Variants in ZNF385D observed in about 807,000 individuals in gnomAD.
The protein encoded by ZNF385D is zinc finger protein 385D.
ZNF385D carries 15 observed loss-of-function variants against 35.8 expected under a neutral mutation model. The ratio of observed to expected loss-of-function variants is 0.42; its 90% CI spans 0.28 to 0.64. The LOEUF (loss-of-function observed/expected upper bound fraction) is 0.64, where lower values mean the gene tolerates loss of function less well. Ranked by LOEUF, ZNF385D falls within the 30% of genes least tolerant of loss-of-function variation. ZNF385D has a pLI of 0.23. For missense variants in ZNF385D, 474 were observed against 494.6 expected, an observed-to-expected ratio of 0.96 and a Z score of 0.39; for synonymous variants, 212 against 186.8, an observed-to-expected ratio of 1.13 and a Z score of -1.10.
chr3:21,569,463 T>C (rs528882748), intron 2 of ZNF385D, among the ~76,000 whole-genome samples: 4,476 of 149,054 alleles, frequency 0.03, 176 homozygotes, highest in African/African-American at 0.11. Context: ...TGTCTCTGCA[T>C]GTGAGATGGG....
intron 4 of ZNF385D, among the ~76,000 whole-genome samples, chr3:21,466,301 C>T (rs1449706513): frequency 1.3e-5 from 2 of 152,066 alleles, no homozygotes; most frequent in Non-Finnish European, 2.9e-5. Context: ...TTCACTTTGC[C>T]TACTCCTTCA....
At chr3:21,441,648 G>T in intron 4 of ZNF385D, 1 of 974,338 alleles carries the variant, frequency 1.0e-6, no homozygotes, top group Non-Finnish European at 1.2e-6. Flanking sequence ...TCATTTAGAA[G>T]GAGGAAAGAA....
At chr3:21,878,862 T>C (rs1698120469) in intron 3 of ZNF385D, among the ~76,000 whole-genome samples, 1 of 152,074 alleles carries the variant, frequency 6.6e-6, no homozygotes, top group South Asian at 2.1e-4. Flanking sequence ...ATCAAGCACA[T>C]TTGAAGTTCT....
Position 21,415,360 on chromosome 3 carries a change from A to AG in ZNF385D, c.*5853_*5854insC, listed in dbSNP as rs1700547676. 6.6e-6 allele frequency: 1 copy of AG among 152,086 alleles called. No individual in the cohort carries two copies. Among genetic ancestry groups the AG allele is most frequent in the South Asian group, 2.1e-4 (1 of 4,824 alleles). 9.4% of individuals were successfully genotyped at this position (152,086 alleles called of 1,614,324 possible). A position where few individuals can be genotyped will look rare whatever the true frequency, so the allele number is the denominator to read the frequency against. On this transcript the variant is annotated 3_prime_UTR_variant, in exon 8 of 8. Transcript: ENST00000281523. ...TGATACAATTGTATGACCCAACTCA[A>AG]ACTGTTAGCATAATAGTCTTGCTAG... is the stretch of plus-strand genomic sequence containing the variant.
chr3:22,083,281 T>C (rs1343573305), intron 3 of ZNF385D, among the ~76,000 whole-genome samples: 1 of 148,174 alleles, frequency 6.7e-6, no homozygotes, highest in Non-Finnish European at 1.5e-5. Flanking sequence ...ATAACAAACT[T>C]CTCCGAGCTA....
intron 3 of ZNF385D, among the ~76,000 whole-genome samples, chr3:22,140,900 CT>C (rs1218227921): frequency 1.3e-5 from 2 of 152,130 alleles, no homozygotes; most frequent in African/African-American, 4.8e-5. Flanking sequence ...CAATACCCTA[CT>C]TTTTTAGTCA....
In ZNF385D at chr3:21,820,352, C is replaced by G. The variant is rs572530704; in HGVS notation, c.326-155324G>C. ...CATAAGAAAATGAAAAGAAAAACAA[C>G]ACATCTAAATAATTCATGAATTATG... On this transcript the variant is annotated intron_variant, in intron 3 of 5. Coordinates refer to the ZNF385D transcript ENST00000494108. Among the ~76,000 whole-genome samples, 3 of 151,684 alleles carry G rather than the reference C, an allele frequency of 2.0e-5. No individual in the cohort carries two copies. The East Asian group carries it at 5.8e-4, about 29-fold the overall frequency.
intron 3 of ZNF385D, among the ~76,000 whole-genome samples, chr3:21,531,030 C>T (rs148622009): frequency 2.4e-4 from 36 of 152,082 alleles, no homozygotes; most frequent in East Asian, 1.4e-3. Flanking sequence ...TTAAAGAAAA[C>T]GGTGAATTTT....
intron 3 of ZNF385D, among the ~76,000 whole-genome samples, chr3:21,765,217 TGA>T (rs562978427): frequency 1.3e-3 from 193 of 148,922 alleles, no homozygotes; most frequent in East Asian, 2.8e-3. Flanking sequence ...TGTGTGTGTG[TGA>T]GAGAGAGAGA....
chr3:21,760,817 T>C (rs951994805), intron 3 of ZNF385D, among the ~76,000 whole-genome samples: 6 of 152,202 alleles, frequency 3.9e-5, no homozygotes, highest in South Asian at 2.1e-4. Context: ...AATGGTAGTA[T>C]TGGTCCTCTC....
At chr3:21,817,081 G>A (rs2073183357) in intron 3 of ZNF385D, among the ~76,000 whole-genome samples, 1 of 152,056 alleles carries the variant, frequency 6.6e-6, no homozygotes, top group Non-Finnish European at 1.5e-5. Context: ...CAAGAAATGG[G>A]GAAAGGATTC....
chr3:21,716,002 A>T (rs1329500914), intron 1 of ZNF385D, among the ~76,000 whole-genome samples: 1 of 152,110 alleles, frequency 6.6e-6, no homozygotes, highest in African/African-American at 2.4e-5. Flanking sequence ...TCATCTATCT[A>T]GTTATTCAAC....
At chr3:22,070,315 T>C (rs1222086477) in intron 3 of ZNF385D, among the ~76,000 whole-genome samples, 1 of 152,158 alleles carries the variant, frequency 6.6e-6, no homozygotes, top group Non-Finnish European at 1.5e-5. Context: ...CTTTTATATA[T>C]ACATGAAAGG....
intron 2 of ZNF385D, among the ~76,000 whole-genome samples, chr3:21,645,860 C>T (rs1344732428): frequency 2.6e-5 from 4 of 152,096 alleles, no homozygotes; most frequent in Non-Finnish European, 5.9e-5. Flanking sequence ...GGTCCATGTT[C>T]AGCATTATGT....
At chr3:21,752,379 T>C (rs1266179223), upstream of ZNF385D, among the ~76,000 whole-genome samples, 1 of 152,156 alleles carries the variant, frequency 6.6e-6, no homozygotes, top group Non-Finnish European at 1.5e-5. Context: ...ATATTTTTAA[T>C]CTGGGCTTTT....
rs150119709 is a variant in ZNF385D at position 21,634,573 on chromosome 3, TA to T, written c.165+30312del. 8.9e-3 allele frequency among the ~76,000 whole-genome samples: 1,358 copies of T among 152,186 alleles called. 26 individuals are homozygous for T. Among genetic ancestry groups the T allele is most frequent in the African/African-American group, 0.032 (1,312 of 41,562 alleles). ...TAAGAAGTACTTATCAATATTCAAA[TA>T]TTTTTTTAGTCAATAAAATGTGAAT... On this transcript the variant is annotated intron_variant, in intron 2 of 7. Transcript: ENST00000281523.
intron 3 of ZNF385D, among the ~76,000 whole-genome samples, chr3:21,825,796 G>A (rs1694571440): frequency 6.6e-6 from 1 of 152,144 alleles, no homozygotes; most frequent in Non-Finnish European, 1.5e-5. Context: ...TCCGGGCTGC[G>A]GACCAGAACC....
intron 3 of ZNF385D, among the ~76,000 whole-genome samples, chr3:21,762,846 C>A (rs1304113570): frequency 2.6e-5 from 4 of 152,080 alleles, no homozygotes; most frequent in Non-Finnish European, 4.4e-5. Flanking sequence ...ACTTGGGGCA[C>A]CTTTTTACAA....
intron 3 of ZNF385D, among the ~76,000 whole-genome samples, chr3:21,997,780 T>G (rs1460377860): frequency 6.6e-6 from 1 of 152,122 alleles, no homozygotes; most frequent in Non-Finnish European, 1.5e-5. Flanking sequence ...AGGAATGTGT[T>G]AATACAGGAA....
Sources: allele counts gnomAD v4.1 joint callset (sites outside exome capture counted in the v4.1 genomes callset), GRCh38; gene constraint gnomAD v4.1.1; transcripts MANE v1.5; gene names NCBI Gene and HGNC (gene_info 2026-07-23, HGNC 2026-07-21).